Variants in TBC1D5 observed in about 807,000 individuals in gnomAD.
TBC1D5 encodes the protein TBC1 domain family member 5, also known as TBC1 domain family, member 5.
In TBC1D5, 75 loss-of-function variants were observed where a neutral mutation model predicts 100.3. The ratio of observed to expected loss-of-function variants is 0.75; its 90% CI spans 0.62 to 0.91. The LOEUF is 0.91. Ranked by LOEUF, TBC1D5 falls within the 40% of genes least tolerant of loss-of-function variation. The pLI is 0.00. For missense variants in TBC1D5, 910 were observed against 942.4 expected (o/e 0.97, Z 0.45); for synonymous variants, 323 against 325.6 (o/e 0.99, Z 0.09).
intron 1 of TBC1D5, among the ~76,000 whole-genome samples, chr3:17,693,576 CAGGA>C (rs759369102): frequency 1.2e-4 from 18 of 152,224 alleles, no homozygotes; most frequent in Non-Finnish European, 2.6e-4. Context: ...ACAAAGCTGC[CAGGA>C]AGCTCGAACT....
At chr3:17,206,134 A>C (rs1277145720) in intron 18 of TBC1D5, among the ~76,000 whole-genome samples, 1 of 152,140 alleles carries the variant, frequency 6.6e-6, no homozygotes, top group African/African-American at 2.4e-5. Flanking sequence ...TATTTTCCTA[A>C]GGGAAAATAA....
At chr3:17,453,167 T>C (rs2094969449) in intron 3 of TBC1D5, among the ~76,000 whole-genome samples, 1 of 145,448 alleles carries the variant, frequency 6.9e-6, no homozygotes, top group Non-Finnish European at 1.5e-5. Flanking sequence ...GCAAAAGCAG[T>C]AGTAAGAGGG....
intron 3 of TBC1D5, 49 bp from the exon 4 acceptor site, chr3:17,428,568 T>TCAGTTTATC: frequency 9.2e-7 from 1 of 1,082,254 alleles, no homozygotes; most frequent in Non-Finnish European, 1.3e-6. Context: ...AACTGAATAT[T>TCAGTTTATC]TCAGTTGAAA....
intron 13 of TBC1D5, among the ~76,000 whole-genome samples, chr3:17,371,210 C>A (rs1409252247): frequency 6.6e-6 from 1 of 152,022 alleles, no homozygotes; most frequent in Non-Finnish European, 1.5e-5. Context: ...TGAGAGGCAT[C>A]TATCTTACTT....
intron 3 of TBC1D5, among the ~76,000 whole-genome samples, chr3:17,459,515 C>G (rs546706269): frequency 1.3e-5 from 2 of 152,308 alleles, no homozygotes; most frequent in East Asian, 3.9e-4. Flanking sequence ...GAGAATACTT[C>G]AAACATTCAA....
intron 1 of TBC1D5, among the ~76,000 whole-genome samples, chr3:17,628,060 T>C (rs896167846): frequency 6.6e-6 from 1 of 152,096 alleles, no homozygotes; most frequent in Non-Finnish European, 1.5e-5. Flanking sequence ...ACAAGTATTG[T>C]ACCTATTTTT....
intron 2 of TBC1D5, among the ~76,000 whole-genome samples, chr3:17,530,402 T>C (rs1256611560): frequency 6.6e-6 from 1 of 152,148 alleles, no homozygotes; most frequent in Non-Finnish European, 1.5e-5. Context: ...TCAGAGCTCA[T>C]TTCTCTCTGT....
chr3:17,398,429 G>A (rs2152390950), intron 8 of TBC1D5, among the ~76,000 whole-genome samples: 1 of 152,228 alleles, frequency 6.6e-6, no homozygotes. Flanking sequence ...CACAGCTCAT[G>A]AAATCAAATT....
intron 4 of TBC1D5, among the ~76,000 whole-genome samples, chr3:17,415,390 G>C (rs1033558666): frequency 6.6e-6 from 1 of 151,982 alleles, no homozygotes; most frequent in Non-Finnish European, 1.5e-5. Flanking sequence ...TCGATCTCCT[G>C]ACCTCATGAT....
At position 17,327,315 on chromosome 3, in the gene TBC1D5, C is replaced by T. The variant is rs143255264; in HGVS notation, c.996-19181G>A. Among the ~76,000 whole-genome samples, 455 of 152,260 alleles carry T rather than the reference C, an allele frequency of 3.0e-3. 4 individuals are homozygous for T. The highest frequency in any genetic ancestry group is 0.01 in the African/African-American group (431 of 41,546). ...TATAGTCCATTCTAGTCACTGATTCCAGAGAGATCGTTTCAAAAGATAAGT... is the reference window on the plus strand; with the variant it reads ...TATAGTCCATTCTAGTCACTGATTCTAGAGAGATCGTTTCAAAAGATAAGT... On this transcript the variant is annotated intron_variant, in intron 13 of 21. Coordinates refer to ENST00000253692, the Ensembl canonical transcript of TBC1D5.
At chr3:17,393,867 A>T (rs1266656146) in intron 8 of TBC1D5, among the ~76,000 whole-genome samples, 3 of 152,222 alleles carry the variant, frequency 2.0e-5, no homozygotes, top group Non-Finnish European at 4.4e-5. Flanking sequence ...AAACCATAAA[A>T]ACCCTAGAAG....
intron 3 of TBC1D5, among the ~76,000 whole-genome samples, chr3:17,459,470 A>G (rs2095159290): frequency 6.6e-6 from 1 of 152,264 alleles, no homozygotes; most frequent in African/African-American, 2.4e-5. Flanking sequence ...GGTTCCTAAC[A>G]GGCCACAGCC....
Position 17,593,010 on chromosome 3 carries a change from T to C in TBC1D5, c.-36+30839A>G, listed in dbSNP as rs112343013. On this transcript the variant is annotated intron_variant, in intron 2 of 21. Transcript: ENST00000253692. ...GTGGGTCGTGCACAGAAGCATTATATCATCAAATCCAAGTGGTATACACAT... is the reference window on the plus strand; with the variant it reads ...GTGGGTCGTGCACAGAAGCATTATACCATCAAATCCAAGTGGTATACACAT... Among the ~76,000 whole-genome samples the C allele has an allele frequency of 8.5e-3, 1,294 of 152,220 alleles. 9 individuals are homozygous for C. Among genetic ancestry groups the C allele is most frequent in the Non-Finnish European group, 0.015 (1,009 of 68,012 alleles).
intron 1 of TBC1D5, among the ~76,000 whole-genome samples, chr3:17,678,890 G>T (rs1384474414): frequency 1.3e-4 from 19 of 150,532 alleles, no homozygotes. Flanking sequence ...AAAAAGTGGT[G>T]GACAAAAAAA....
At chr3:17,262,480 T>G (rs975280739) in intron 15 of TBC1D5, among the ~76,000 whole-genome samples, 1 of 39,556 alleles carries the variant, frequency 2.5e-5, no homozygotes, top group African/African-American at 1.7e-4. Flanking sequence ...AAAACAATGT[T>G]TTTTTTTTTT....
At chr3:17,741,134 T>C (rs966366980), upstream of TBC1D5, among the ~76,000 whole-genome samples, 4 of 152,218 alleles carry the variant, frequency 2.6e-5, no homozygotes, top group African/African-American at 7.2e-5. Context: ...TACTCAAAGA[T>C]AGTCCCTTGT....
At chr3:17,547,427 T>C (rs986429515) in intron 2 of TBC1D5, among the ~76,000 whole-genome samples, 1 of 152,162 alleles carries the variant, frequency 6.6e-6, no homozygotes, top group South Asian at 2.1e-4. Flanking sequence ...CATATACTTA[T>C]AAAAATTAAA....
chr3:17,265,471 G>A lies in TBC1D5; in HGVS notation c.1246-6880C>T, dbSNP rs141204409. ...ACAGCACTGTAAAAATATGTCGAAC[G>A]TTCCTCTTTGATGAAAAATGAGACC... On this transcript the variant is annotated intron_variant, in intron 15 of 21. Transcript: ENST00000253692. Among the ~76,000 whole-genome samples, 1,510 of 152,050 alleles carry A rather than the reference G, an allele frequency of 9.9e-3. 28 individuals carry two copies. The highest frequency in any genetic ancestry group is 0.034 in the African/African-American group (1,414 of 41,466).
chr3:17,348,628 T>C (rs1418633430), intron 13 of TBC1D5, among the ~76,000 whole-genome samples: 1 of 152,166 alleles, frequency 6.6e-6, no homozygotes, highest in Non-Finnish European at 1.5e-5. Flanking sequence ...ATTTCATTCA[T>C]GGGGTCAATC....
Sources: allele counts gnomAD v4.1 joint callset (sites outside exome capture counted in the v4.1 genomes callset), GRCh38; gene constraint gnomAD v4.1.1; transcripts MANE v1.5; gene names NCBI Gene and HGNC (gene_info 2026-07-23, HGNC 2026-07-21).